Variants in STAMBP observed in about 807,000 individuals in gnomAD.
STAMBP encodes the protein STAM binding protein.
Under a neutral mutation model 50.7 loss-of-function variants are expected in STAMBP, and 31 were observed. The ratio of observed to expected loss-of-function variants is 0.61; its 90% confidence interval spans 0.46 to 0.83. The LOEUF (loss-of-function observed/expected upper bound fraction) is 0.83. STAMBP is among the 40% of genes least tolerant of loss of function. The pLI is 0.00. For synonymous variants in STAMBP, 211 were observed against 192.4 expected, an observed-to-expected ratio of 1.10 and a Z score of -0.80; for missense variants, 472 against 518.9, an observed-to-expected ratio of 0.91 and a Z score of 0.88.
At chr2:73,849,541 C>G in intron 6 of STAMBP, 54 bp downstream of exon 6, 4 of 1,535,590 alleles carry the variant, frequency 2.6e-6, no homozygotes, top group Middle Eastern at 1.8e-4. Flanking sequence ...GTTTCTTCCC[C>G]TCTTGGCATC....
chr2:73,847,194 G>C (rs1676215076), intron 4 of STAMBP, among the ~76,000 whole-genome samples, 193 bp from the exon 5 acceptor site: 1 of 151,998 alleles, frequency 6.6e-6, no homozygotes, highest in Admixed American at 6.5e-5. Context: ...TAGGTATACT[G>C]TGGCCAGATA....
chr2:73,831,062 A>G lies in STAMBP; in HGVS notation c.203+3A>G, dbSNP rs768681826. On this transcript the variant is annotated splice_donor_region_variant and intron_variant, in intron 2 of 9. Coordinates refer to ENST00000394070, the MANE Select transcript of STAMBP (RefSeq NM_213622.4). ...ATCCTCTATAACAAGTATATCACGT[A>G]AGACACCTACAGTTTCCTTTTTCCT... 6.2e-7 allele frequency: 1 copy of G among 1,613,394 alleles called. No homozygotes were observed. Among genetic ancestry groups the G allele is most frequent in the Non-Finnish European group, 8.5e-7 (1 of 1,179,286 alleles).
intron 4 of STAMBP, 115 bp from the exon 5 acceptor site, chr2:73,847,272 A>C: frequency 7.7e-7 from 1 of 1,290,510 alleles, no homozygotes. Context: ...TGTGTTAGGT[A>C]ATCAGGCCAC....
chr2:73,844,290 C>T (rs1307971618), intron 2 of STAMBP, among the ~76,000 whole-genome samples: 1 of 152,178 alleles, frequency 6.6e-6, no homozygotes, highest in African/African-American at 2.4e-5. Context: ...CTAAGTATTT[C>T]CATGCATTTT....
At chr2:73,851,785 G>A (rs990661752) in intron 7 of STAMBP, among the ~76,000 whole-genome samples, 21 of 151,780 alleles carry the variant, frequency 1.4e-4, no homozygotes, top group African/African-American at 4.4e-4. Flanking sequence ...GACTACAAGC[G>A]CCCGCCACCA....
rs758355120 is a variant in STAMBP at position 73,847,561 on chromosome 2, G to T, written c.550G>T (p.Glu184Ter). 5.0e-6 allele frequency: 8 copies of T among 1,614,060 alleles called. No homozygotes were observed. The highest frequency in any genetic ancestry group is 1.3e-5 in the African/African-American group (1 of 74,948). The change falls in exon 5 of 10, where the codon GAG becomes TAG. Residue 184 changes from glutamate to a stop codon, truncating the protein, a stop_gained. Coordinates refer to ENST00000394070, the MANE Select transcript of STAMBP (RefSeq NM_213622.4). LOFTEE classifies it high-confidence loss of function. ...AAAAGAGCGACTGAAAATTGTACAG[G>T]AGTTTGGGAAGGTAGACCCTGGCCT... is the stretch of plus-strand genomic sequence containing the variant. ...LEKERLKIVQ[E>*]FGKVDPGLGG...
chr2:73,849,437 G>A lies in STAMBP; in HGVS notation c.817G>A (p.Ala273Thr), dbSNP rs1676527426. 7.4e-6 allele frequency: 12 copies of A among 1,613,728 alleles called. No homozygotes were observed. Among genetic ancestry groups the A allele is most frequent in the Non-Finnish European group, 1.0e-5 (12 of 1,179,860 alleles). ...CCCACAGTTTCTCCAGTTAGCCAGT[G>A]CCAACACTGCCCGGGGAGTGGAGAC... ...LCPQFLQLAS[A>T]NTARGVETCG... Residue 273 changes from alanine to threonine, a missense_variant, in exon 6 of 10, where the codon GCC becomes ACC. By Grantham distance (58) the Ala-to-Thr change is moderately conservative (BLOSUM62 0). Coordinates refer to ENST00000394070, the MANE Select transcript of STAMBP (RefSeq NM_213622.4).
At chr2:73,838,442 G>T (rs1414621702) in intron 2 of STAMBP, among the ~76,000 whole-genome samples, 1 of 152,158 alleles carries the variant, frequency 6.6e-6, no homozygotes, top group Non-Finnish European at 1.5e-5. Context: ...GTTGATGGGG[G>T]ACAAGGAGCG....
intron 2 of STAMBP, among the ~76,000 whole-genome samples, chr2:73,838,423 G>T (rs1674987642): frequency 6.6e-6 from 1 of 152,166 alleles, no homozygotes; most frequent in South Asian, 2.1e-4. Flanking sequence ...GTAGAAAAAT[G>T]GGGAAGTAGT....
At chr2:73,834,231 AAAAAAATATATATATATATAT>A (rs1384274295) in intron 2 of STAMBP, among the ~76,000 whole-genome samples, 7 of 16,176 alleles carry the variant, frequency 4.3e-4, no homozygotes, top group Non-Finnish European at 7.8e-4. Flanking sequence ...AAAAAAAAAA[AAAAAAATATATATATATATAT>A]ATATATATAT....
chr2:73,836,404 C>T (rs1246515449), intron 2 of STAMBP, among the ~76,000 whole-genome samples: 1 of 152,222 alleles, frequency 6.6e-6, no homozygotes, highest in Non-Finnish European at 1.5e-5. Flanking sequence ...CCCCTCCACC[C>T]CGTGGTGCCC....
Position 73,835,852 on chromosome 2 carries a change from A to G in STAMBP, c.203+4793A>G, listed in dbSNP as rs1674649255. ...TGAGATGCCTGTGAGATATCCAAGT[A>G]GAGATGTCAAGTGGGAGGTTGAATG... On this transcript the variant is annotated intron_variant, in intron 2 of 9. Transcript: ENST00000394070. Among the ~76,000 whole-genome samples the G allele has an allele frequency of 2.6e-5, 4 of 152,136 alleles. No homozygotes were observed. The South Asian group carries it at 8.3e-4, about 31-fold the overall frequency.
intron 2 of STAMBP, among the ~76,000 whole-genome samples, chr2:73,833,280 A>T (rs1243748053): frequency 6.6e-6 from 1 of 152,204 alleles, no homozygotes; most frequent in Non-Finnish European, 1.5e-5. Flanking sequence ...TTATACATTA[A>T]ATTAGGTTAC....
chr2:73,851,612 G>T (rs2104560258), intron 7 of STAMBP, among the ~76,000 whole-genome samples: 1 of 151,678 alleles, frequency 6.6e-6, no homozygotes, highest in Admixed American at 6.6e-5. Context: ...TGAGATTTAT[G>T]GTTCATATCA....
Position 73,850,531 on chromosome 2 carries a change from G to A in STAMBP, c.1005+18G>A. 2 of 1,604,890 alleles carry A rather than the reference G, an allele frequency of 1.2e-6. No individual in the cohort carries two copies. Among genetic ancestry groups the A allele is most frequent in the African/African-American group, 1.3e-5 (1 of 74,644 alleles). On this transcript the variant is annotated intron_variant, in intron 7 of 9. Transcript: ENST00000394070. The surrounding 1 kb of genome is among the most constrained non-coding windows in gnomAD (Gnocchi z 4.3). ...GGATTCATGTAAGCAATTCTGAGCT[G>A]TCCGAGAGTTAGTCTCTGCCTCTCC... is the stretch of plus-strand genomic sequence containing the variant.
chr2:73,843,888 G>A lies in STAMBP; in HGVS notation c.204-925G>A, dbSNP rs549852781. Among the ~76,000 whole-genome samples, 5 of 152,250 alleles carry A rather than the reference G, an allele frequency of 3.3e-5. No individual in the cohort carries two copies. The East Asian group carries it at 9.6e-4, about 29-fold the overall frequency. On this transcript the variant is annotated intron_variant, in intron 2 of 9. Coordinates refer to ENST00000394070, the MANE Select transcript of STAMBP (RefSeq NM_213622.4). ...AATTTATTTTTTTATCTCAGTTTCT[G>A]TGTATTACAACTTAATTCTGTTAAA...
At chr2:73,867,894 G>A (rs544937772), downstream of STAMBP, among the ~76,000 whole-genome samples, 1 of 152,154 alleles carries the variant, frequency 6.6e-6, no homozygotes, top group South Asian at 2.1e-4. Flanking sequence ...GGAGGCCGAG[G>A]CGGGTGGATC....
intron 2 of STAMBP, among the ~76,000 whole-genome samples, chr2:73,832,829 G>A (rs147399021): frequency 2.2e-4 from 33 of 152,302 alleles, no homozygotes; most frequent in Admixed American, 5.9e-4. Context: ...AATCACCTCT[G>A]AGAACCAGTG....
intron 2 of STAMBP, among the ~76,000 whole-genome samples, chr2:73,831,588 G>T (rs1202204785): frequency 6.6e-6 from 1 of 152,082 alleles, no homozygotes; most frequent in Non-Finnish European, 1.5e-5. Flanking sequence ...TCATCTTAGG[G>T]TAGGCAGCAT....
Sources: allele counts gnomAD v4.1 joint callset (sites outside exome capture counted in the v4.1 genomes callset), GRCh38; gene constraint gnomAD v4.1.1; non-coding constraint Gnocchi (gnomAD v3.1); transcripts MANE v1.5; gene names NCBI Gene and HGNC (gene_info 2026-07-23, HGNC 2026-07-21).